Variants in PRMT8 observed in about 807,000 individuals in gnomAD.
PRMT8 encodes the protein protein arginine methyltransferase 8.
A neutral mutation model predicts 47.1 loss-of-function variants in PRMT8; 7 were observed. The observed-to-expected ratio is 0.15, with a 90% CI of 0.08 to 0.28. The LOEUF is 0.28. Ranked by LOEUF, PRMT8 falls within the 10% of genes least tolerant of loss-of-function variation. The pLI, the probability that PRMT8 is intolerant of heterozygous loss-of-function variation, is 1.00. For synonymous variants in PRMT8, 188 were observed against 186.5 expected, an observed-to-expected ratio of 1.01 and a Z score of -0.07; for missense variants, 237 against 505.4, an observed-to-expected ratio of 0.47 and a Z score of 5.09.
At chr12:3,389,127 CTTCTGGGTTCT>C (rs1864168817) in intron 1 of PRMT8, among the ~76,000 whole-genome samples, 1 of 152,074 alleles carries the variant, frequency 6.6e-6, no homozygotes, top group Non-Finnish European at 1.5e-5. Context: ...ACAGTGAATC[CTTCTGGGTTCT>C]TTCATAAAGG....
At chr12:3,588,790 G>T (rs1008641700) in intron 8 of PRMT8, among the ~76,000 whole-genome samples, 1 of 152,198 alleles carries the variant, frequency 6.6e-6, no homozygotes, top group Non-Finnish European at 1.5e-5. Context: ...GAGAAAAGGG[G>T]TATGTGGGGC....
chr12:3,530,412 G>T (rs1053597822), intron 1 of PRMT8, among the ~76,000 whole-genome samples: 4 of 152,162 alleles, frequency 2.6e-5, no homozygotes, highest in African/African-American at 4.8e-5. Flanking sequence ...TCTTGTTGTA[G>T]AAGTAACACC....
intron 1 of PRMT8, among the ~76,000 whole-genome samples, chr12:3,387,081 T>C (rs1864147731): frequency 6.6e-6 from 1 of 152,184 alleles, no homozygotes; most frequent in Non-Finnish European, 1.5e-5. Flanking sequence ...AATAATGTTA[T>C]TGCTCTTTTT....
chr12:3,483,964 T>C (rs1865298797), intron 1 of PRMT8, among the ~76,000 whole-genome samples: 1 of 152,182 alleles, frequency 6.6e-6, no homozygotes, highest in African/African-American at 2.4e-5. Context: ...TAATGGCTGC[T>C]TGGCTACTAC....
chr12:3,473,822 C>T (rs1284865990), intron 1 of PRMT8, among the ~76,000 whole-genome samples: 6 of 152,198 alleles, frequency 3.9e-5, no homozygotes, highest in African/African-American at 9.7e-5. Flanking sequence ...TTTAGCTGGG[C>T]GTATTCCCTG....
chr12:3,553,314 C>T (rs762367838), intron 3 of PRMT8: 72 of 363,722 alleles, frequency 2.0e-4, no homozygotes, highest in Middle Eastern at 8.0e-4. Flanking sequence ...GCGTCCCCCA[C>T]GGTGGGGAGG....
intron 1 of PRMT8, among the ~76,000 whole-genome samples, chr12:3,461,239 T>C (rs554676848): frequency 9.8e-5 from 15 of 152,334 alleles, no homozygotes; most frequent in African/African-American, 3.4e-4. Context: ...GTAGATTATC[T>C]GGGGCAGCTC....
At position 3,580,265 on chromosome 12, in the gene PRMT8, C is replaced by T. The variant is rs1226671885; in HGVS notation, c.829-2793C>T. On this transcript the variant is annotated intron_variant, in intron 7 of 9. Transcript: ENST00000382622. The surrounding 1 kb of genome is among the most constrained non-coding windows in gnomAD (Gnocchi z 4.6). Reference sequence around the variant, plus strand: ...GTCAGCTACAAGAGTTGATAGCTGACATTTTGTTGATGGACATCTGACAGC... The same window carrying T: ...GTCAGCTACAAGAGTTGATAGCTGATATTTTGTTGATGGACATCTGACAGC... Among the ~76,000 whole-genome samples, 3 of 151,898 alleles carry T rather than the reference C, an allele frequency of 2.0e-5. No individual in the cohort carries two copies. The highest frequency in any genetic ancestry group is 2.9e-5 in the Non-Finnish European group (2 of 68,026).
chr12:3,512,426 G>A (rs1428668680), intron 1 of PRMT8, among the ~76,000 whole-genome samples: 1 of 152,016 alleles, frequency 6.6e-6, no homozygotes, highest in East Asian at 1.9e-4. Flanking sequence ...AATTCAACAT[G>A]ACCCAAACTG....
At position 3,454,570 on chromosome 12, in the gene PRMT8, G is replaced by A. The variant is rs117305231; in HGVS notation, c.48+73128G>A. Among the ~76,000 whole-genome samples, 1,073 of 152,200 alleles carry A rather than the reference G, an allele frequency of 7.0e-3. 6 individuals are homozygous for A. Among genetic ancestry groups the A allele is most frequent in the Non-Finnish European group, 0.012 (827 of 68,004 alleles). On this transcript the variant is annotated intron_variant, in intron 1 of 9. Coordinates refer to the PRMT8 transcript ENST00000452611. ...GAGCAGGGGCCAGGGAAGACGGGGC[G>A]GGCAAGAGCGGCATGTGGCATTTCT...
chr12:3,587,328 A>T (rs948755115), intron 8 of PRMT8, among the ~76,000 whole-genome samples: 1 of 150,722 alleles, frequency 6.6e-6, no homozygotes, highest in Admixed American at 6.6e-5. Context: ...AAATTAATAA[A>T]TACTAATAAA....
In PRMT8 at chr12:3,593,325, A is replaced by C; in HGVS notation, c.*143A>C. ...TGCCTTGAAGATTGGTGAACTCCCC[A>C]GGGCTCCCGTGGGCTCTGCCACTGG... On this transcript the variant is annotated 3_prime_UTR_variant, in exon 10 of 10. Coordinates refer to ENST00000382622, the MANE Select transcript of PRMT8 (RefSeq NM_019854.5). The surrounding 1 kb of genome is among the most constrained non-coding windows in gnomAD (Gnocchi z 4.8). 1 of 687,810 alleles carries C rather than the reference A, an allele frequency of 1.5e-6. No homozygotes were observed. The highest frequency in any genetic ancestry group is 1.9e-5 in the South Asian group (1 of 52,944). 42.6% of individuals were successfully genotyped at this position (687,810 alleles called of 1,614,324 possible). A position where few individuals can be genotyped will look rare whatever the true frequency, so the allele number is the denominator to read the frequency against.
chr12:3,455,441 G>T (rs1398982978), intron 1 of PRMT8, among the ~76,000 whole-genome samples: 1 of 152,102 alleles, frequency 6.6e-6, no homozygotes, highest in Non-Finnish European at 1.5e-5. Context: ...TTCAGGCGTC[G>T]ATGCTGCCCT....
intron 1 of PRMT8, among the ~76,000 whole-genome samples, chr12:3,459,318 T>G (rs906849621): frequency 6.6e-6 from 1 of 152,082 alleles, no homozygotes; most frequent in Non-Finnish European, 1.5e-5. Flanking sequence ...TCTTCCCTCA[T>G]GGTGAGAAGA....
At chr12:3,448,588 C>T (rs1285972501) in intron 1 of PRMT8, among the ~76,000 whole-genome samples, 1 of 152,102 alleles carries the variant, frequency 6.6e-6, no homozygotes, top group Non-Finnish European at 1.5e-5. Flanking sequence ...TGAGCAGCAT[C>T]ACTGGCCTCT....
intron 1 of PRMT8, among the ~76,000 whole-genome samples, chr12:3,391,980 G>A (rs776128903): frequency 9.9e-5 from 15 of 152,138 alleles, no homozygotes; most frequent in Non-Finnish European, 2.2e-4. Flanking sequence ...AATAGAGAGA[G>A]GAGAAGGATA....
rs1867347868 is a variant in PRMT8 at position 3,593,139 on chromosome 12, A to T, written c.1142A>T (p.Gln381Leu). Residue 381 changes from glutamine (Q) to leucine (L), a missense_variant, in exon 10 of 10, where the codon CAG becomes CTG. Gln to Leu is a moderately radical substitution (Grantham distance 113). Transcript: ENST00000382622. The surrounding 1 kb of genome is among the most constrained non-coding windows in gnomAD (Gnocchi z 4.8). ...DFTVDLDFKG[Q>L]LCETSVSNDY... Reference sequence around the variant, plus strand: ...ACAGTAGACTTGGATTTTAAGGGACAGCTGTGTGAAACATCTGTATCTAAT... The same window carrying T: ...ACAGTAGACTTGGATTTTAAGGGACTGCTGTGTGAAACATCTGTATCTAAT... The T allele has an allele frequency of 2.5e-6, 4 of 1,614,216 alleles. No individual in the cohort carries two copies. Among genetic ancestry groups the T allele is most frequent in the East Asian group, 4.5e-5 (2 of 44,884 alleles).
chr12:3,440,097 C>T (rs1258402496), intron 1 of PRMT8, among the ~76,000 whole-genome samples: 1 of 152,146 alleles, frequency 6.6e-6, no homozygotes, highest in Non-Finnish European at 1.5e-5. Flanking sequence ...ATGGGGGTCC[C>T]CACACAGACC....
upstream of PRMT8, among the ~76,000 whole-genome samples, chr12:3,487,498 G>A (rs1000855075): frequency 5.3e-5 from 8 of 152,242 alleles, no homozygotes; most frequent in Non-Finnish European, 1.0e-4. Flanking sequence ...ACAGGAGACA[G>A]AATTACAGAG....
Sources: gnomAD v4.1 joint callset for allele counts (sites outside exome capture counted in the v4.1 genomes callset) on GRCh38, gnomAD v4.1.1 for gene constraint, Gnocchi (gnomAD v3.1) non-coding constraint, MANE v1.5 for transcripts, NCBI Gene and HGNC (gene_info 2026-07-23, HGNC 2026-07-21) for gene names.